The following SERINC5 variants were observed in gnomAD, a reference collection of about 807,000 sequenced individuals.
The protein encoded by SERINC5 is serine incorporator 5.
A neutral mutation model predicts 63.1 loss-of-function variants in SERINC5; 41 were observed. The observed-to-expected ratio is 0.65, with a 90% CI of 0.51 to 0.84. SERINC5 has a LOEUF of 0.84. Ranked by LOEUF, SERINC5 falls within the 40% of genes least tolerant of loss-of-function variation. The pLI is 0.00. For missense variants in SERINC5, 523 were observed against 573.0 expected (o/e 0.91, Z 0.89); for synonymous variants, 222 against 215.2 (o/e 1.03, Z -0.28).
At chr5:80,230,662 GTTA>G (rs1467738950) in intron 1 of SERINC5, among the ~76,000 whole-genome samples, 1 of 152,056 alleles carries the variant, frequency 6.6e-6, no homozygotes, top group Admixed American at 6.6e-5. Flanking sequence ...AGGTATTACT[GTTA>G]TTATTATTTT....
intron 1 of SERINC5, among the ~76,000 whole-genome samples, chr5:80,244,247 G>A (rs555110973): frequency 1.8e-4 from 27 of 150,116 alleles, no homozygotes; most frequent in African/African-American, 5.4e-4. Flanking sequence ...ATGGGGTCTC[G>A]TTCTGTCACC....
chr5:80,228,217 AGAGT>A, intron 1 of SERINC5, among the ~76,000 whole-genome samples: 1 of 130,340 alleles, frequency 7.7e-6, no homozygotes, highest in Middle Eastern at 3.8e-3. Context: ...CCTGGGCAGC[AGAGT>A]GAGTGAGGGA....
intron 11 of SERINC5, among the ~76,000 whole-genome samples, chr5:80,130,225 C>CA (rs563328809): frequency 1.2e-3 from 180 of 152,062 alleles, no homozygotes; most frequent in African/African-American, 3.9e-3. Flanking sequence ...ACTAAAAATA[C>CA]AAAAACTAGC....
chr5:80,251,597 G>A (rs1182353017), intron 1 of SERINC5, among the ~76,000 whole-genome samples: 2 of 152,034 alleles, frequency 1.3e-5, no homozygotes, highest in East Asian at 3.9e-4. Flanking sequence ...AGATGTAGTG[G>A]CAAGTGCCTG....
At position 80,143,142 on chromosome 5, in the gene SERINC5, G is replaced by GCCTC. The variant is rs1423842152; in HGVS notation, c.*517_*520dup. Reference sequence around the variant, plus strand: ...CTGAGGGTGCAGTTGAAAAGCAGGTGCCTCCTCTTGGACCCTATAAATACC... The same window carrying GCCTC: ...CTGAGGGTGCAGTTGAAAAGCAGGTGCCTCCCTCCTCTTGGACCCTATAAATACC... On this transcript the variant is annotated 3_prime_UTR_variant, in exon 12 of 12. Transcript: ENST00000507668. The GCCTC allele has an allele frequency of 1.0e-6, 1 of 985,458 alleles. No individual in the cohort carries two copies. Among genetic ancestry groups the GCCTC allele is most frequent in the Non-Finnish European group, 1.2e-6 (1 of 830,096 alleles). 61.0% of individuals were successfully genotyped at this position (985,458 alleles called of 1,614,324 possible).
intron 1 of SERINC5, 108 bp downstream of exon 1, chr5:80,255,788 A>G (rs1752647524): frequency 4.1e-6 from 5 of 1,213,916 alleles, no homozygotes; most frequent in Non-Finnish European, 5.8e-6. Context: ...CCCGGGCCCT[A>G]CGTTCGGCCG....
At chr5:80,189,870 T>A (rs566091037) in intron 2 of SERINC5, among the ~76,000 whole-genome samples, 36 of 151,934 alleles carry the variant, frequency 2.4e-4, no homozygotes, top group Admixed American at 1.0e-3. Context: ...TGCCAACACA[T>A]CCGCTACTTT....
chr5:80,253,762 C>T (rs2112623269), intron 1 of SERINC5, among the ~76,000 whole-genome samples: 1 of 152,286 alleles, frequency 6.6e-6, no homozygotes, highest in South Asian at 2.1e-4. Context: ...TTCATTGTTT[C>T]ATTGTTTACA....
intron 2 of SERINC5, chr5:80,198,529 G>A (rs1749640565): frequency 1.5e-5 from 15 of 985,392 alleles, no homozygotes; most frequent in Non-Finnish European, 1.8e-5. Flanking sequence ...GCAGAACGCT[G>A]GGTAGGAGGC....
intron 1 of SERINC5, among the ~76,000 whole-genome samples, chr5:80,232,123 G>T (rs1243677707): frequency 7.2e-6 from 1 of 139,634 alleles, no homozygotes; most frequent in Non-Finnish European, 1.5e-5. Context: ...AAAAAAAAAA[G>T]GCCGGGCAAG....
chr5:80,153,165 C>T (rs111730802), intron 8 of SERINC5, among the ~76,000 whole-genome samples: 2,956 of 152,084 alleles, frequency 0.019, 90 homozygotes, highest in African/African-American at 0.067. Context: ...ACATTAAGAT[C>T]TTTATTCAGT....
At chr5:80,242,698 C>A (rs1384923937) in intron 1 of SERINC5, among the ~76,000 whole-genome samples, 1 of 152,112 alleles carries the variant, frequency 6.6e-6, no homozygotes, top group Non-Finnish European at 1.5e-5. Flanking sequence ...TGCAGTGAGC[C>A]AAGATCTCAC....
In SERINC5 at chr5:80,228,375, C is replaced by CT. The variant is rs1350090420; in HGVS notation, c.28-25323dup. Among the ~76,000 whole-genome samples, 16 of 152,122 alleles carry CT rather than the reference C, an allele frequency of 1.1e-4. 1 individual carries two copies. In the East Asian group the frequency reaches 1.2e-3, roughly 11 times the overall value. Reference sequence around the variant, plus strand: ...CACTCAGCATAAAACAGAGTGAAAACTGAGTTTGGCACTTGTAGTATGTAT... The same window carrying CT: ...CACTCAGCATAAAACAGAGTGAAAACTTGAGTTTGGCACTTGTAGTATGTAT... On this transcript the variant is annotated intron_variant, in intron 1 of 11. Coordinates refer to ENST00000507668, the MANE Select transcript of SERINC5 (RefSeq NM_001174072.3).
intron 1 of SERINC5, among the ~76,000 whole-genome samples, chr5:80,220,870 AG>A (rs1246784316): frequency 6.6e-6 from 1 of 152,114 alleles, no homozygotes; most frequent in African/African-American, 2.4e-5. Context: ...CTGGAGTGAC[AG>A]GAACAGAGGT....
intron 1 of SERINC5, among the ~76,000 whole-genome samples, chr5:80,232,514 A>G (rs1000708428): frequency 1.3e-4 from 18 of 139,220 alleles, no homozygotes; most frequent in Non-Finnish European, 2.2e-4. Flanking sequence ...GGCCAGGCAC[A>G]GTGGCTCACG....
chr5:80,218,430 C>T (rs1750763505), intron 1 of SERINC5, among the ~76,000 whole-genome samples: 1 of 152,192 alleles, frequency 6.6e-6, no homozygotes, highest in Admixed American at 6.5e-5. Flanking sequence ...ATCCCAGCTA[C>T]ATGAGAGGCT....
At chr5:80,201,548 A>T (rs1019857766) in intron 2 of SERINC5, among the ~76,000 whole-genome samples, 2 of 152,192 alleles carry the variant, frequency 1.3e-5, no homozygotes, top group Admixed American at 6.5e-5. Context: ...ATGAGGAATA[A>T]AGGTGATGTT....
chr5:80,131,911 G>A (rs966722290), intron 11 of SERINC5, among the ~76,000 whole-genome samples: 22 of 152,072 alleles, frequency 1.4e-4, no homozygotes, highest in African/African-American at 5.3e-4. Context: ...ATTCCAGACT[G>A]GGCCTTAGGA....
chr5:80,228,459 A>ATTT (rs34400088), intron 1 of SERINC5, among the ~76,000 whole-genome samples: 1 of 150,544 alleles, frequency 6.6e-6, no homozygotes, highest in Non-Finnish European at 1.5e-5. Context: ...ACTATTAAGA[A>ATTT]TTTTTTTTTT....
Sources: allele counts gnomAD v4.1 joint callset (sites outside exome capture counted in the v4.1 genomes callset), GRCh38; gene constraint gnomAD v4.1.1; transcripts MANE v1.5; gene names NCBI Gene and HGNC (gene_info 2026-07-23, HGNC 2026-07-21).